Variants in KDM1B observed in about 807,000 individuals in gnomAD.
KDM1B encodes the protein lysine-specific histone demethylase 2.
A neutral mutation model predicts 107.4 loss-of-function variants in KDM1B; 63 were observed. That is an observed-to-expected ratio of 0.59 (90% CI 0.48 to 0.72). The LOEUF is 0.72. Ranked by LOEUF, KDM1B falls within the 30% of genes least tolerant of loss-of-function variation. KDM1B has a pLI of 0.00. For synonymous variants in KDM1B, 363 were observed against 363.9 expected, an observed-to-expected ratio of 1.00 and a Z score of 0.03; for missense variants, 749 against 1,020.8, an observed-to-expected ratio of 0.73 and a Z score of 3.63.
intron 7 of KDM1B, among the ~76,000 whole-genome samples, chr6:18,181,407 T>C (rs72840605): frequency 0.13 from 20,284 of 152,170 alleles, 1,427 homozygotes; most frequent in South Asian, 0.19. Context: ...ACATAAAATA[T>C]TTCTTTATCC....
intron 2 of KDM1B, among the ~76,000 whole-genome samples, chr6:18,157,360 T>C (rs59537445): frequency 0.15 from 23,122 of 152,214 alleles, 2,261 homozygotes; most frequent in East Asian, 0.35. Flanking sequence ...GCTCATGTTT[T>C]CATTTCCTTG....
chr6:18,222,371 G>GA lies in KDM1B; in HGVS notation c.*381dup. On this transcript the variant is annotated 3_prime_UTR_variant, in exon 22 of 22. Transcript: ENST00000650836. Reference sequence around the variant, plus strand: ...TTGAGAAACCAAGTCAATCAAGCAGGAATCATTTAAAAACCAGATAAAGCC... The same window carrying GA: ...TTGAGAAACCAAGTCAATCAAGCAGGAAATCATTTAAAAACCAGATAAAGCC... 3.1e-6 allele frequency: 1 copy of GA among 322,868 alleles called. No individual in the cohort carries two copies. The highest frequency in any genetic ancestry group is 6.0e-6 in the Non-Finnish European group (1 of 166,184). The allele number at this position is 322,868 out of a possible 1,614,324, so 20.0% of individuals were successfully genotyped here.
In KDM1B at chr6:18,161,412, G is replaced by A; in HGVS notation, c.173G>A (p.Cys58Tyr). Residue 58 changes from cysteine (C) to tyrosine (Y), a missense_variant, in exon 4 of 22, where the codon TGT (cysteine) becomes TAT (tyrosine). Physicochemically the swap from Cys to Tyr is radical, Grantham distance 194 (BLOSUM62 -2). Coordinates refer to ENST00000650836, the MANE Select transcript of KDM1B (RefSeq NM_001364614.2). ...KKYRKCEKAG[C>Y]TATCPVCFAS... ...TACAGGAAATGTGAAAAGGCAGGCT[G>A]TACGGCAACATGTCCTGTGTGCTTT... The A allele has an allele frequency of 1.2e-6, 2 of 1,614,058 alleles. No individual in the cohort carries two copies. Among genetic ancestry groups the A allele is most frequent in the Non-Finnish European group, 1.7e-6 (2 of 1,179,978 alleles).
chr6:18,209,492 C>T lies in KDM1B; in HGVS notation c.1866+1286C>T, dbSNP rs566996453. Among the ~76,000 whole-genome samples the T allele has an allele frequency of 2.6e-5, 4 of 152,316 alleles. No individual in the cohort carries two copies. Among genetic ancestry groups the T allele is most frequent in the African/African-American group, 4.8e-5 (2 of 41,572 alleles). ...ACATTATTCCTGCCATTAACCAACT[C>T]GGAGATCTTGGGCAGCAATCCCCGG... On this transcript the variant is annotated intron_variant, in intron 17 of 21. Transcript: ENST00000650836. The surrounding 1 kb of genome is among the most constrained non-coding windows in gnomAD (Gnocchi z 4.3).
chr6:18,174,381 T>G (rs945430095), intron 7 of KDM1B, among the ~76,000 whole-genome samples: 2 of 152,182 alleles, frequency 1.3e-5, no homozygotes, highest in Admixed American at 6.5e-5. Context: ...TTTGGAGAAG[T>G]GACATCTTTA....
Position 18,197,273 on chromosome 6 carries a change from CA to C in KDM1B, c.1146+41del, listed in dbSNP as rs1200300125. ...CTTTAGCGATAGCCTTGCCATTGAT[CA>C]GGACAAACGCTAGTCTGTTGCTGTT... On this transcript the variant is annotated intron_variant, in intron 11 of 21. Coordinates refer to ENST00000650836, the MANE Select transcript of KDM1B (RefSeq NM_001364614.2). The surrounding 1 kb of genome is among the most constrained non-coding windows in gnomAD (Gnocchi z 4.5). 5.1e-6 allele frequency: 8 copies of C among 1,558,994 alleles called. No homozygotes were observed. The highest frequency in any genetic ancestry group is 7.0e-6 in the Non-Finnish European group (8 of 1,135,488).
chr6:18,193,851 C>T (rs969646295), intron 10 of KDM1B, among the ~76,000 whole-genome samples: 13 of 149,494 alleles, frequency 8.7e-5, no homozygotes, highest in African/African-American at 3.2e-4. Context: ...CATGCCAAGG[C>T]TGGGTGAGCA....
Position 18,207,546 on chromosome 6 carries a change from G to A in KDM1B, c.1791+17G>A, listed in dbSNP as rs760754465. The A allele has an allele frequency of 1.1e-4, 170 of 1,613,610 alleles. 1 individual carries two copies. Among genetic ancestry groups the A allele is most frequent in the Non-Finnish European group, 1.3e-4 (156 of 1,179,642 alleles). On this transcript the variant is annotated intron_variant, in intron 16 of 21. Coordinates refer to ENST00000650836, the MANE Select transcript of KDM1B (RefSeq NM_001364614.2). ...AAATCTCCAGTGAGTATCAACTGCT[G>A]GGAGGCTCTGGCTCGCCTTGTTTGG...
chr6:18,196,398 C>G (rs1452587763), intron 10 of KDM1B, among the ~76,000 whole-genome samples: 1 of 152,160 alleles, frequency 6.6e-6, no homozygotes, highest in Non-Finnish European at 1.5e-5. Context: ...TGAGACACCT[C>G]CGTACTGTCT....
intron 14 of KDM1B, among the ~76,000 whole-genome samples, chr6:18,202,643 C>T (rs573596537): frequency 1.3e-5 from 2 of 152,300 alleles, no homozygotes; most frequent in South Asian, 2.1e-4. Flanking sequence ...AACATTGGAA[C>T]TCAGTTTGCA....
chr6:18,208,501 A>G (rs1180844123), intron 17 of KDM1B, among the ~76,000 whole-genome samples: 1 of 150,384 alleles, frequency 6.6e-6, no homozygotes, highest in Non-Finnish European at 1.5e-5. Context: ...CCTTGGCCAA[A>G]TAAGTTAGGC....
In KDM1B at chr6:18,191,967, A is replaced by G. The variant is rs916450453; in HGVS notation, c.969+586A>G. Among the ~76,000 whole-genome samples, 2 of 152,162 alleles carry G rather than the reference A, an allele frequency of 1.3e-5. No individual in the cohort carries two copies. The highest frequency in any genetic ancestry group is 2.1e-4 in the South Asian group (1 of 4,828). On this transcript the variant is annotated intron_variant, in intron 10 of 21. Transcript: ENST00000650836. This position sits in a 1 kb window ranked among gnomAD's most constrained non-coding sequence, Gnocchi z 5.1. Reference sequence around the variant, plus strand: ...GAATGGGAATACTAGCTAAAAACAAAAAACAAAGGGGCTGGGTGAAGTGGC... The same window carrying G: ...GAATGGGAATACTAGCTAAAAACAAGAAACAAAGGGGCTGGGTGAAGTGGC...
rs1788461202 is a variant in KDM1B, at chr6:18,207,470, G to A, written c.1732G>A (p.Gly578Arg). 1 of 1,614,160 alleles carries A rather than the reference G, an allele frequency of 6.2e-7. No individual in the cohort carries two copies. The highest frequency in any genetic ancestry group is 8.5e-7 in the Non-Finnish European group (1 of 1,180,020). Residue 578 changes from glycine (G) to arginine (R), a missense_variant, in exon 16 of 22, where the codon GGG (glycine) becomes AGG (arginine). By Grantham distance (125) the Gly-to-Arg change is moderately radical. Coordinates refer to ENST00000650836, the MANE Select transcript of KDM1B (RefSeq NM_001364614.2). ...TGGTGACCACACTCTGCTAACTCCC[G>A]GGTACTCGGTGATAATTGAAAAACT... ...FAGDHTLLTPGYSVIIEKLAE... is the reference protein window; with the variant it reads ...FAGDHTLLTPRYSVIIEKLAE...
chr6:18,201,486 C>G lies in KDM1B; in HGVS notation c.1360C>G (p.Leu454Val). The change falls in exon 14 of 22, where the codon CTT (leucine) becomes GTT (valine). Residue 454 changes from leucine to valine, a missense_variant and splice_region_variant. By Grantham distance (32) the Leu-to-Val change is conservative. Coordinates refer to ENST00000650836, the MANE Select transcript of KDM1B (RefSeq NM_001364614.2). The surrounding 1 kb of genome is among the most constrained non-coding windows in gnomAD (Gnocchi z 4.3). ...CCTTCTTATTCTTATTATTTTGAAG[C>G]TTGGCATCAGCATGCATAAATTTGG... is the stretch of plus-strand genomic sequence containing the variant. ...NNPVALMCEQLGISMHKFGER... is the reference protein window; with the variant it reads ...NNPVALMCEQVGISMHKFGER... The G allele has an allele frequency of 6.5e-7, 1 of 1,543,514 alleles. No individual in the cohort carries two copies. The highest frequency in any genetic ancestry group is 8.7e-7 in the Non-Finnish European group (1 of 1,144,524).
chr6:18,181,281 A>C (rs760368181), intron 7 of KDM1B, among the ~76,000 whole-genome samples: 6 of 152,204 alleles, frequency 3.9e-5, no homozygotes, highest in Admixed American at 2.0e-4. Context: ...ATTGACAGAT[A>C]GCTTCCTGTT....
chr6:18,208,486 A>G (rs1788542517), intron 17 of KDM1B, among the ~76,000 whole-genome samples: 1 of 150,988 alleles, frequency 6.6e-6, no homozygotes, highest in Admixed American at 6.6e-5. Flanking sequence ...ACAAGAAAAA[A>G]AATTCCTTGG....
At chr6:18,193,560 C>T (rs1282386540) in intron 10 of KDM1B, among the ~76,000 whole-genome samples, 1 of 151,898 alleles carries the variant, frequency 6.6e-6, no homozygotes, top group African/African-American at 2.4e-5. Flanking sequence ...GCTTGGCCTC[C>T]CAAAGTGCTG....
rs1308619072 is a variant in KDM1B, at chr6:18,197,208, A to G, written c.1121A>G (p.Tyr374Cys). Reference protein sequence around the residue: ...TGVLSVGADQYLLPKDYHNKS... With the variant: ...TGVLSVGADQCLLPKDYHNKS... The stretch of plus-strand genomic sequence containing the variant: ...GTTCTCAGCGTGGGAGCCGACCAGT[A>G]TCTTCTCCCTAAGGACTACCACAAT... The change falls in exon 11 of 22, where the codon TAT becomes TGT. Residue 374 changes from tyrosine to cysteine, a missense_variant. Physicochemically the swap from Tyr to Cys is radical, Grantham distance 194 (BLOSUM62 -2). Coordinates refer to ENST00000650836, the MANE Select transcript of KDM1B (RefSeq NM_001364614.2). The surrounding 1 kb of genome is among the most constrained non-coding windows in gnomAD (Gnocchi z 4.5). The G allele has an allele frequency of 1.2e-6, 2 of 1,614,016 alleles. No homozygotes were observed. The highest frequency in any genetic ancestry group is 2.7e-5 in the African/African-American group (2 of 74,930).
Position 18,204,991 on chromosome 6 carries a change from A to G in KDM1B, c.1532-546A>G, listed in dbSNP as rs1169351863. 6.6e-6 allele frequency among the ~76,000 whole-genome samples: 1 copy of G among 152,220 alleles called. No individual in the cohort carries two copies. Among genetic ancestry groups the G allele is most frequent in the Non-Finnish European group, 1.5e-5 (1 of 68,048 alleles). ...GGTTGGGGAATTTATTACATAGGCA[A>G]CCAGTAATTGTAGATATGGAGGCGG... On this transcript the variant is annotated intron_variant, in intron 14 of 21. Transcript: ENST00000650836. The surrounding 1 kb of genome is among the most constrained non-coding windows in gnomAD (Gnocchi z 4.9).
Sources: allele counts gnomAD v4.1 joint callset (sites outside exome capture counted in the v4.1 genomes callset), GRCh38; gene constraint gnomAD v4.1.1; non-coding constraint Gnocchi (gnomAD v3.1); transcripts MANE v1.5; gene names NCBI Gene and HGNC (gene_info 2026-07-23, HGNC 2026-07-21).